The following ABHD5 variants were observed in gnomAD, a reference collection of about 807,000 sequenced individuals.
ABHD5 encodes the protein abhydrolase domain containing 5, lysophosphatidic acid acyltransferase.
A neutral mutation model predicts 44.9 loss-of-function variants in ABHD5; 30 were observed. The observed-to-expected ratio is 0.67, with a 90% CI of 0.50 to 0.91. ABHD5 has a LOEUF of 0.91. Among genes scored for constraint, ABHD5 ranks in the 40% least tolerant of loss-of-function variants. The pLI is 0.00. For missense variants in ABHD5, 399 were observed against 423.4 expected (o/e 0.94, Z 0.50); for synonymous variants, 167 against 147.0 (o/e 1.14, Z -0.99).
chr3:43,692,570 G>A (rs183516943), intron 1 of ABHD5, among the ~76,000 whole-genome samples: 120 of 152,320 alleles, frequency 7.9e-4, no homozygotes, highest in African/African-American at 2.8e-3. Flanking sequence ...AGACAGAAGT[G>A]GGCTTCGCTG....
In ABHD5 at chr3:43,705,708, T is replaced by C. The variant is rs527797491; in HGVS notation, c.506+3121T>C. ...CTCCCTAGCTTTTTTCCTTCATTGC[T>C]TTTCAGGATGGCTTCCCTGGAAGCA... On this transcript the variant is annotated intron_variant, in intron 3 of 6. Transcript: ENST00000644371. Among the ~76,000 whole-genome samples the C allele has an allele frequency of 4.6e-5, 7 of 152,330 alleles. No homozygotes were observed. The East Asian group carries it at 1.4e-3, about 29-fold the overall frequency.
Position 43,715,527 on chromosome 3 carries a change from G to T in ABHD5, c.773+469G>T, listed in dbSNP as rs115918815. 2.6e-3 allele frequency among the ~76,000 whole-genome samples: 399 copies of T among 152,290 alleles called. 2 individuals are homozygous for T. Among genetic ancestry groups the T allele is most frequent in the African/African-American group, 9.4e-3 (389 of 41,560 alleles). ...AGTAGTTAAATGACTGAATTTAAAA[G>T]GACAAGTGTCTAATACATTTTATTT... On this transcript the variant is annotated intron_variant, in intron 5 of 6. Coordinates refer to ENST00000644371, the MANE Select transcript of ABHD5 (RefSeq NM_016006.6).
At chr3:43,728,270 C>A (rs1175263162) in intron 7 of ABHD5, among the ~76,000 whole-genome samples, 3 of 152,320 alleles carry the variant, frequency 2.0e-5, no homozygotes, top group East Asian at 3.9e-4. Flanking sequence ...ATGCCAAATT[C>A]TCTTAAATTG....
At chr3:43,728,816 C>G (rs755641147) in intron 7 of ABHD5, among the ~76,000 whole-genome samples, 9 of 152,190 alleles carry the variant, frequency 5.9e-5, no homozygotes, top group Non-Finnish European at 1.2e-4. Context: ...AGAGTGGACA[C>G]CAGTGAGCCT....
Position 43,703,937 on chromosome 3 carries a change from A to G in ABHD5, c.506+1350A>G, listed in dbSNP as rs368604896. On this transcript the variant is annotated intron_variant, in intron 3 of 6. Coordinates refer to ENST00000644371, the MANE Select transcript of ABHD5 (RefSeq NM_016006.6). ...GATCTCATGGTCCTATATGTGCTAG[A>G]CAATAATAGTCCTGTCAACTGGCGG... Among the ~76,000 whole-genome samples, 65 of 152,174 alleles carry G rather than the reference A, an allele frequency of 4.3e-4. 1 individual carries two copies. Among genetic ancestry groups the G allele is most frequent in the African/African-American group, 1.5e-3 (63 of 41,518 alleles).
rs926471986 is a variant in ABHD5, at chr3:43,718,656, C to T, written c.*124C>T. On this transcript the variant is annotated 3_prime_UTR_variant, in exon 7 of 7. Transcript: ENST00000644371. ...AGGCAGCCTTCTTGACTATACTTTG[C>T]ACATGTTTTCTTTAGGAATTCACTC... 1.3e-5 allele frequency: 12 copies of T among 913,938 alleles called. No individual in the cohort carries two copies. Among genetic ancestry groups the T allele is most frequent in the Non-Finnish European group, 2.1e-5 (12 of 561,292 alleles). 56.6% of individuals were successfully genotyped at this position (913,938 alleles called of 1,614,324 possible). A position where few individuals can be genotyped will look rare whatever the true frequency, so the allele number is the denominator to read the frequency against.
intron 1 of ABHD5, among the ~76,000 whole-genome samples, chr3:43,696,034 TTGCCTTGCTAATAAGGTAAG>T (rs1473534672): frequency 7.9e-5 from 12 of 152,368 alleles, no homozygotes; most frequent in African/African-American, 2.9e-4. Flanking sequence ...CTTATATCCT[TTGCCTTGCTAATAAGGTAAG>T]TGCCCAACTG....
At chr3:43,693,962 C>T (rs1183318132) in intron 1 of ABHD5, among the ~76,000 whole-genome samples, 3 of 151,992 alleles carry the variant, frequency 2.0e-5, no homozygotes, top group Non-Finnish European at 4.4e-5. Context: ...TTTAACATGT[C>T]CAGACCATGA....
intron 1 of ABHD5, among the ~76,000 whole-genome samples, chr3:43,695,389 T>C (rs553105140): frequency 1.3e-5 from 2 of 152,308 alleles, no homozygotes; most frequent in African/African-American, 2.4e-5. Context: ...TTTCTTTAAA[T>C]GAGATAGAGA....
intron 7 of ABHD5, among the ~76,000 whole-genome samples, chr3:43,727,980 G>A (rs1186178558): frequency 1.3e-5 from 2 of 152,158 alleles, no homozygotes; most frequent in African/African-American, 4.8e-5. Context: ...TCAGCATCTT[G>A]TCTGGAAACC....
downstream of ABHD5, among the ~76,000 whole-genome samples, chr3:43,726,956 T>C (rs1235050545): frequency 1.3e-5 from 2 of 152,146 alleles, no homozygotes; most frequent in African/African-American, 4.8e-5. Flanking sequence ...ATGCTGTCTT[T>C]TGGTGGCACT....
intron 1 of ABHD5, among the ~76,000 whole-genome samples, chr3:43,694,258 CAAAAAAAAAA>C (rs80129256): frequency 6.6e-5 from 3 of 45,546 alleles, no homozygotes; most frequent in Non-Finnish European, 1.4e-4. Context: ...GACTCCGTCT[CAAAAAAAAAA>C]AAAAAAAAAA....
Position 43,718,989 on chromosome 3 carries a change from A to G in ABHD5, c.*457A>G, listed in dbSNP as rs895401226. 1 of 154,584 alleles carries G rather than the reference A, an allele frequency of 6.5e-6. No homozygotes were observed. The highest frequency in any genetic ancestry group is 1.4e-5 in the Non-Finnish European group (1 of 69,584). 9.6% of individuals were successfully genotyped at this position (154,584 alleles called of 1,614,324 possible). ...GTGTCTTGATAACTGATATTAATCT[A>G]AATTCAATGTGTTTTTATGTAAAAA... On this transcript the variant is annotated 3_prime_UTR_variant, in exon 7 of 7. Transcript: ENST00000644371.
At chr3:43,713,025 G>A (rs2084707835) in intron 4 of ABHD5, among the ~76,000 whole-genome samples, 1 of 151,942 alleles carries the variant, frequency 6.6e-6, no homozygotes, top group Non-Finnish European at 1.5e-5. Context: ...CTATAGAAAA[G>A]ATGCGTTCTA....
chr3:43,722,320 G>GT lies in ABHD5; in HGVS notation c.*3789dup, dbSNP rs560573785. 2 of 152,218 alleles carry GT rather than the reference G, an allele frequency of 1.3e-5. No individual in the cohort carries two copies. Among genetic ancestry groups the GT allele is most frequent in the Non-Finnish European group, 2.9e-5 (2 of 68,034 alleles). 9.4% of individuals were successfully genotyped at this position (152,218 alleles called of 1,614,324 possible). ...CTCCAGAATATAGGAAATGAAAAATGTAAAGCACAGAAGAGAATGTATGGT... is the reference window on the plus strand; with the variant it reads ...CTCCAGAATATAGGAAATGAAAAATGTTAAAGCACAGAAGAGAATGTATGGT... On this transcript the variant is annotated 3_prime_UTR_variant, in exon 7 of 7. Coordinates refer to ENST00000644371, the MANE Select transcript of ABHD5 (RefSeq NM_016006.6).
chr3:43,727,927 A>G (rs1298635350), intron 7 of ABHD5, among the ~76,000 whole-genome samples: 2 of 152,158 alleles, frequency 1.3e-5, no homozygotes, highest in African/African-American at 4.8e-5. Context: ...ACTACTTTTA[A>G]AGAATGAGGC....
intron 3 of ABHD5, among the ~76,000 whole-genome samples, chr3:43,703,325 C>T (rs1354525617): frequency 2.0e-5 from 3 of 152,038 alleles, no homozygotes; most frequent in Admixed American, 2.0e-4. Context: ...ACTACAGGTG[C>T]ATGCCACCAC....
intron 2 of ABHD5, among the ~76,000 whole-genome samples, chr3:43,700,437 G>A (rs1040450629): frequency 6.6e-6 from 1 of 152,184 alleles, no homozygotes; most frequent in Non-Finnish European, 1.5e-5. Context: ...ATTTTTGTAT[G>A]TAGGTGCAGA....
intron 1 of ABHD5, among the ~76,000 whole-genome samples, chr3:43,697,161 T>G (rs1013876635): frequency 6.6e-6 from 1 of 152,218 alleles, no homozygotes; most frequent in Non-Finnish European, 1.5e-5. Context: ...GGCTGGTATG[T>G]AACTTTTTAA....
Sources: allele counts gnomAD v4.1 joint callset (sites outside exome capture counted in the v4.1 genomes callset), GRCh38; gene constraint gnomAD v4.1.1; transcripts MANE v1.5; gene names NCBI Gene and HGNC (gene_info 2026-07-23, HGNC 2026-07-21).